Variants in RB1CC1 observed in about 807,000 individuals in gnomAD.
RB1CC1 encodes the protein RB1 inducible coiled-coil 1, also known as RB1-inducible coiled-coil protein 1.
In RB1CC1, 46 loss-of-function variants were observed where a neutral mutation model predicts 177.5. That is an observed-to-expected ratio of 0.26 (90% CI 0.20 to 0.33). The LOEUF (loss-of-function observed/expected upper bound fraction) is 0.33. Among genes scored for constraint, RB1CC1 ranks in the 10% least tolerant of loss-of-function variants. The pLI is 1.00. For synonymous variants in RB1CC1, 666 were observed against 613.6 expected (o/e 1.09, Z -1.26); for missense variants, 1,703 against 1,816.3 (o/e 0.94, Z 1.13).
At position 52,623,858 on chromosome 8, in the gene RB1CC1, G is replaced by A; in HGVS notation, c.4709C>T (p.Ala1570Val). ...CAAAGGAACTTTAAATCTGTTTTGT[G>A]CCTAAGAGGGAAAGAAAAAATGGAA... ...MEKEYCQAKKAQNRFKVPLGT... is the reference protein window; with the variant it reads ...MEKEYCQAKKVQNRFKVPLGT... Residue 1570 changes from alanine (A) to valine (V), a missense_variant and splice_region_variant, in exon 24 of 24, where the codon GCA (alanine) becomes GTA (valine). By Grantham distance (64) the Ala-to-Val change is moderately conservative. Transcript: ENST00000025008. 1 of 1,600,590 alleles carries A rather than the reference G, an allele frequency of 6.2e-7. No individual in the cohort carries two copies. Among genetic ancestry groups the A allele is most frequent in the Non-Finnish European group, 8.6e-7 (1 of 1,168,920 alleles).
Position 52,683,637 on chromosome 8 carries a change from G to C in RB1CC1, c.281C>G (p.Thr94Arg). ...AACTTTTATTTCCATGTCATTTTCT[G>C]TCGAAAAGGTAGTTTTAGGAATAGC... ...PPAIPKTTFS[T>R]ENDMEIKVEE... The change falls in exon 5 of 24, where the codon ACA (threonine) becomes AGA (arginine). Residue 94 changes from threonine (T) to arginine (R), a missense_variant. By Grantham distance (71) the Thr-to-Arg change is moderately conservative. Coordinates refer to ENST00000025008, the MANE Select transcript of RB1CC1 (RefSeq NM_014781.5). 2 of 1,612,386 alleles carry C rather than the reference G, an allele frequency of 1.2e-6. No homozygotes were observed. The highest frequency in any genetic ancestry group is 1.7e-6 in the Non-Finnish European group (2 of 1,179,226).
chr8:52,707,892 C>T (rs968505234), intron 1 of RB1CC1, among the ~76,000 whole-genome samples: 1 of 152,096 alleles, frequency 6.6e-6, no homozygotes, highest in African/African-American at 2.4e-5. Context: ...TATTTGAATA[C>T]CATCTATCTC....
chr8:52,628,966 T>C (rs950419407), intron 21 of RB1CC1, among the ~76,000 whole-genome samples: 4 of 152,206 alleles, frequency 2.6e-5, no homozygotes, highest in Non-Finnish European at 5.9e-5. Context: ...CAGGCACTGT[T>C]TTGGCTAAAT....
At chr8:52,642,941 A>G in intron 16 of RB1CC1, 129 bp from the exon 17 acceptor site, 1 of 1,060,320 alleles carries the variant, frequency 9.4e-7, no homozygotes. Flanking sequence ...TGATTCATGA[A>G]ATGTTTTAAA....
intron 1 of RB1CC1, among the ~76,000 whole-genome samples, chr8:52,707,386 C>T (rs1414031364): frequency 2.0e-5 from 3 of 150,974 alleles, no homozygotes. Flanking sequence ...TATCATTCTA[C>T]TATTGCCCCA....
chr8:52,696,657 T>C (rs1325198045), intron 1 of RB1CC1, among the ~76,000 whole-genome samples: 1 of 152,022 alleles, frequency 6.6e-6, no homozygotes, highest in Admixed American at 6.6e-5. Flanking sequence ...ATAGAACCCA[T>C]GATAAAAACT....
chr8:52,658,530 T>C (rs535479779), intron 13 of RB1CC1, among the ~76,000 whole-genome samples: 27 of 128,614 alleles, frequency 2.1e-4, no homozygotes, highest in Non-Finnish European at 3.2e-4. Flanking sequence ...TGAGCCAGTA[T>C]CACACCATTG....
chr8:52,653,758 A>G (rs1263742230), intron 15 of RB1CC1, among the ~76,000 whole-genome samples: 1 of 152,212 alleles, frequency 6.6e-6, no homozygotes, highest in Admixed American at 6.5e-5. Context: ...TACCAGCTGA[A>G]TATCTCAAAT....
At position 52,642,824 on chromosome 8, in the gene RB1CC1, G is replaced by T. The variant is rs1563364826; in HGVS notation, c.3988-12C>A. The T allele has an allele frequency of 6.6e-7, 1 of 1,520,808 alleles. No individual in the cohort carries two copies. The highest frequency in any genetic ancestry group is 1.4e-5 in the South Asian group (1 of 74,024). The allele number at this position is 1,520,808 out of a possible 1,614,324, so 94.2% of individuals were successfully genotyped here. A position where few individuals can be genotyped will look rare whatever the true frequency, so the allele number is the denominator to read the frequency against. ...GTGTTAAAATTGGTCTGGAACAAGA[G>T]AATAATTATTTAAATTTATCTACAT... On this transcript the variant is annotated splice_polypyrimidine_tract_variant and intron_variant, in intron 16 of 23. Coordinates refer to ENST00000025008, the MANE Select transcript of RB1CC1 (RefSeq NM_014781.5).
chr8:52,679,050 T>C (rs907532213), intron 5 of RB1CC1, among the ~76,000 whole-genome samples: 1 of 152,096 alleles, frequency 6.6e-6, no homozygotes, highest in Admixed American at 6.5e-5. Flanking sequence ...AGCAAACCTG[T>C]GAAGAATATG....
At position 52,683,897 on chromosome 8, in the gene RB1CC1, C is replaced by CT; in HGVS notation, c.187dup (p.Ser63LysfsTer13). ...CTCTTGAATACCTACCGTCCCAGCACTGTAGGTACACACTCTTCGATCTGC... is the reference window on the plus strand; with the variant it reads ...CTCTTGAATACCTACCGTCCCAGCACTTGTAGGTACACACTCTTCGATCTGC... On this transcript the variant is annotated frameshift_variant, in exon 4 of 24. Transcript: ENST00000025008. LOFTEE classifies it high-confidence loss of function. The CT allele has an allele frequency of 6.2e-7, 1 of 1,614,072 alleles. No homozygotes were observed.
chr8:52,680,063 T>C (rs1031273030), intron 5 of RB1CC1, among the ~76,000 whole-genome samples: 37 of 152,132 alleles, frequency 2.4e-4, no homozygotes, highest in African/African-American at 8.0e-4. Flanking sequence ...CACTGTCTTA[T>C]AGAGGAATAA....
intron 1 of RB1CC1, among the ~76,000 whole-genome samples, chr8:52,698,217 T>G (rs1337750542): frequency 6.6e-6 from 1 of 152,130 alleles, no homozygotes; most frequent in African/African-American, 2.4e-5. Flanking sequence ...ACTGGGACTA[T>G]GGGCATGCAC....
chr8:52,645,974 A>T, intron 15 of RB1CC1, 107 bp from the exon 16 acceptor site: 1 of 1,085,410 alleles, frequency 9.2e-7, no homozygotes, highest in Non-Finnish European at 1.3e-6. Context: ...ATAATGTAGC[A>T]TGAAAGATAT....
At chr8:52,651,355 A>G (rs1850562766) in intron 15 of RB1CC1, among the ~76,000 whole-genome samples, 2 of 152,230 alleles carry the variant, frequency 1.3e-5, no homozygotes, top group African/African-American at 4.8e-5. Flanking sequence ...AAAACCATTC[A>G]TTTATATAGT....
At chr8:52,654,962 C>T (rs895680606) in intron 15 of RB1CC1, among the ~76,000 whole-genome samples, 3 of 152,116 alleles carry the variant, frequency 2.0e-5, no homozygotes, top group African/African-American at 7.2e-5. Context: ...ATAATGAGGT[C>T]TATTTTCCAT....
chr8:52,684,730 T>C (rs1014568004), intron 3 of RB1CC1, among the ~76,000 whole-genome samples: 1 of 152,170 alleles, frequency 6.6e-6, no homozygotes, highest in Non-Finnish European at 1.5e-5. Flanking sequence ...GGAAGTGATA[T>C]ACATTGTTTT....
chr8:52,634,881 A>G (rs776912941), intron 20 of RB1CC1, 40 bp downstream of exon 20: 10 of 1,476,528 alleles, frequency 6.8e-6, no homozygotes, highest in Non-Finnish European at 9.4e-6. Flanking sequence ...CAAATCATTT[A>G]AAAATGTTAA....
chr8:52,676,495 C>G lies in RB1CC1; in HGVS notation c.446G>C (p.Gly149Ala), dbSNP rs1237321700. ...LVHDEHLQHQ[G>A]WAAIMANLED... ...CAGGTTGGCCATGATTGCAGCCCAG[C>G]CTTGGTGTTGAAGATGTTCATCATG... The change falls in exon 6 of 24, where the codon GGC becomes GCC. Residue 149 changes from glycine (G) to alanine (A), a missense_variant. Physicochemically the swap from Gly to Ala is moderately conservative, Grantham distance 60. Around this residue, in one of 6 missense-constraint regions of RB1CC1, gnomAD observed 315 missense variants for 304.9 expected, o/e 1.03. Coordinates refer to ENST00000025008, the MANE Select transcript of RB1CC1 (RefSeq NM_014781.5). 1 of 1,613,580 alleles carries G rather than the reference C, an allele frequency of 6.2e-7. No homozygotes were observed.
Sources: gnomAD v4.1 joint callset for allele counts (sites outside exome capture counted in the v4.1 genomes callset) on GRCh38, gnomAD v4.1.1 for gene constraint, gnomAD v4.1.1 regional missense constraint, MANE v1.5 for transcripts, NCBI Gene and HGNC (gene_info 2026-07-23, HGNC 2026-07-21) for gene names.